Variants in PARD3B observed in about 807,000 individuals in gnomAD.
PARD3B encodes the protein par-3 family cell polarity regulator beta.
PARD3B carries 103 observed loss-of-function variants against 130.2 expected under a neutral mutation model. The ratio of observed to expected loss-of-function variants is 0.79; its 90% confidence interval spans 0.67 to 0.93. The LOEUF (loss-of-function observed/expected upper bound fraction) is 0.93, where lower values mean the gene tolerates loss of function less well. Among genes scored for constraint, PARD3B ranks in the 40% least tolerant of loss-of-function variants. PARD3B has a pLI of 0.00. For synonymous variants in PARD3B, 583 were observed against 553.2 expected (o/e 1.05, Z -0.76); for missense variants, 1,609 against 1,499.2 (o/e 1.07, Z -1.21).
At chr2:205,238,045 A>G (rs2039148776) in intron 15 of PARD3B, among the ~76,000 whole-genome samples, 1 of 152,130 alleles carries the variant, frequency 6.6e-6, no homozygotes. Context: ...TGAGTCTAGA[A>G]TCCTTTGCTG....
chr2:205,596,570 A>C (rs1251007589), intron 22 of PARD3B, among the ~76,000 whole-genome samples: 1 of 152,132 alleles, frequency 6.6e-6, no homozygotes, highest in Non-Finnish European at 1.5e-5. Context: ...GAAAATTATC[A>C]TGGGGTGCTT....
intron 2 of PARD3B, among the ~76,000 whole-genome samples, chr2:204,833,860 T>C (rs2043925676): frequency 6.6e-6 from 1 of 152,038 alleles, no homozygotes; most frequent in Non-Finnish European, 1.5e-5. Context: ...TGAAATAAAG[T>C]CCAGGGCCGT....
chr2:205,145,885 TC>T (rs1410416456), intron 10 of PARD3B, among the ~76,000 whole-genome samples: 2 of 150,434 alleles, frequency 1.3e-5, no homozygotes, highest in Non-Finnish European at 3.0e-5. Flanking sequence ...CCTCATTCTC[TC>T]CCCATATGCG....
At chr2:205,515,647 G>T (rs1049588729) in intron 21 of PARD3B, among the ~76,000 whole-genome samples, 1 of 151,632 alleles carries the variant, frequency 6.6e-6, no homozygotes, top group Admixed American at 6.6e-5. Context: ...TAATGGGGTT[G>T]TTTTTCTCTT....
intron 18 of PARD3B, among the ~76,000 whole-genome samples, chr2:205,383,018 G>C (rs75690864): frequency 0.02 from 3,107 of 151,724 alleles, 89 homozygotes; most frequent in African/African-American, 0.071. Context: ...TGAGCTCTAG[G>C]AATACTCATT....
intron 2 of PARD3B, among the ~76,000 whole-genome samples, chr2:204,855,552 A>AAATATAT (rs892814373): frequency 2.1e-4 from 30 of 143,150 alleles, no homozygotes; most frequent in African/African-American, 8.0e-4. Flanking sequence ...AAGAAAAAAA[A>AAATATAT]ATATATATAT....
chr2:204,823,446 A>G (rs1455187824), intron 2 of PARD3B, among the ~76,000 whole-genome samples: 2 of 152,116 alleles, frequency 1.3e-5, no homozygotes, highest in East Asian at 3.9e-4. Context: ...GTAAATATGG[A>G]GATGAAAGGT....
chr2:205,615,818 G>A lies in PARD3B; in HGVS notation c.*5G>A. On this transcript the variant is annotated 3_prime_UTR_variant, in exon 23 of 23. Transcript: ENST00000406610. ...CCCATGACTGCAGCCGTATAGCTGA[G>A]TGCCACCGAGGCCAGCCCGGTCCAG... 1 of 1,606,092 alleles carries A rather than the reference G, an allele frequency of 6.2e-7. No homozygotes were observed.
intron 1 of PARD3B, among the ~76,000 whole-genome samples, chr2:204,560,752 G>C (rs1283110568): frequency 6.6e-6 from 1 of 152,162 alleles, no homozygotes; most frequent in African/African-American, 2.4e-5. Context: ...ATTTGGGGCA[G>C]GATGGAGATA....
intron 21 of PARD3B, among the ~76,000 whole-genome samples, chr2:205,538,450 CAAT>C (rs767414235): frequency 2.4e-4 from 35 of 148,724 alleles, no homozygotes; most frequent in Non-Finnish European, 4.0e-4. Flanking sequence ...CTGTAAACAA[CAAT>C]AAGATGGTCA....
At chr2:204,971,911 G>T (rs1236141762) in intron 3 of PARD3B, among the ~76,000 whole-genome samples, 1 of 149,058 alleles carries the variant, frequency 6.7e-6, no homozygotes, top group African/African-American at 2.5e-5. Context: ...GCCTCAAGCA[G>T]TCCTCTTCCT....
At chr2:205,172,154 A>G in intron 11 of PARD3B, 57 bp from the exon 12 acceptor site, 1 of 1,516,696 alleles carries the variant, frequency 6.6e-7, no homozygotes. Flanking sequence ...CCAAAACGCC[A>G]CATGTCATCA....
At chr2:205,599,899 C>A (rs78026669) in intron 22 of PARD3B, among the ~76,000 whole-genome samples, 4,038 of 152,206 alleles carry the variant, frequency 0.027, 74 homozygotes, top group Non-Finnish European at 0.041. Flanking sequence ...CAGAGTAGGC[C>A]CAGTTTGGGC....
chr2:204,840,015 G>A lies in PARD3B; in HGVS notation c.223-125137G>A, dbSNP rs183463131. Among the ~76,000 whole-genome samples, 255 of 152,054 alleles carry A rather than the reference G, an allele frequency of 1.7e-3. 3 individuals carry two copies. The Middle Eastern group carries it at 0.02, about 12-fold the overall frequency. ...CTCTACGTATATTTCTCTTTCCTCA[G>A]CCCCAAAAGCACATATTCAGGGAGG... is the stretch of plus-strand genomic sequence containing the variant. On this transcript the variant is annotated intron_variant, in intron 2 of 22. Coordinates refer to ENST00000406610, the MANE Select transcript of PARD3B (RefSeq NM_001302769.2).
intron 2 of PARD3B, among the ~76,000 whole-genome samples, chr2:204,911,650 T>C (rs1465619520): frequency 6.6e-6 from 1 of 152,228 alleles, no homozygotes; most frequent in East Asian, 1.9e-4. Flanking sequence ...TTTCCATCCT[T>C]GGTACTTGTA....
chr2:204,804,487 G>A (rs909643215), intron 2 of PARD3B, among the ~76,000 whole-genome samples: 2 of 152,078 alleles, frequency 1.3e-5, no homozygotes, highest in Non-Finnish European at 2.9e-5. Flanking sequence ...TGGAGCACCC[G>A]GATATATAAA....
intron 22 of PARD3B, among the ~76,000 whole-genome samples, chr2:205,606,926 G>A (rs1220153439): frequency 3.3e-5 from 5 of 152,044 alleles, no homozygotes; most frequent in Admixed American, 3.3e-4. Context: ...AGAAATGTAG[G>A]CTCCCAGACC....
At chr2:204,583,435 T>G (rs1215663256) in intron 1 of PARD3B, among the ~76,000 whole-genome samples, 2 of 107,584 alleles carry the variant, frequency 1.9e-5, no homozygotes, top group African/African-American at 7.1e-5. Flanking sequence ...TGAGATCACA[T>G]GGTCACAGGA....
At chr2:205,175,111 A>G (rs1191036991) in intron 12 of PARD3B, among the ~76,000 whole-genome samples, 4 of 152,148 alleles carry the variant, frequency 2.6e-5, no homozygotes, top group Admixed American at 2.0e-4. Flanking sequence ...CGACGGCTCT[A>G]TTTTACAGGC....
Sources: allele counts gnomAD v4.1 joint callset (sites outside exome capture counted in the v4.1 genomes callset), GRCh38; gene constraint gnomAD v4.1.1; transcripts MANE v1.5; gene names NCBI Gene and HGNC (gene_info 2026-07-23, HGNC 2026-07-21).